The following GAS7 variants were observed in gnomAD, a reference collection of about 807,000 sequenced individuals.
GAS7 encodes growth arrest specific 7.
A neutral mutation model predicts 71.1 loss-of-function variants in GAS7; 28 were observed. That is an observed-to-expected ratio of 0.39 (90% CI 0.29 to 0.54). The LOEUF is 0.54. Ranked by LOEUF, GAS7 falls within the 20% of genes least tolerant of loss-of-function variation. The pLI is 0.62. For synonymous variants in GAS7, 258 were observed against 245.8 expected (o/e 1.05, Z -0.46); for missense variants, 436 against 627.8 (o/e 0.69, Z 3.27).
chr17:10,113,182 GTGCACGAT>G (rs1179789345), intron 1 of GAS7, among the ~76,000 whole-genome samples: 1 of 152,148 alleles, frequency 6.6e-6, no homozygotes, highest in Non-Finnish European at 1.5e-5. Flanking sequence ...AAATCTGAAA[GTGCACGAT>G]GCTGGCAAGG....
At position 10,009,709 on chromosome 17, in the gene GAS7, C is replaced by CTT. The variant is rs939160260; in HGVS notation, c.304+10066_304+10067dup. On this transcript the variant is annotated intron_variant, in intron 2 of 13. Coordinates refer to ENST00000432992, the MANE Select transcript of GAS7 (RefSeq NM_201433.2). ...AAAAAACCAAACAAAAAATAAAACA[C>CTT]TTTTTTTTTTCCAGTAGCCTGGTGT... Among the ~76,000 whole-genome samples the CTT allele has an allele frequency of 2.1e-5, 3 of 144,838 alleles. No homozygotes were observed. The Admixed American group carries it at 2.1e-4, about 10-fold the overall frequency.
chr17:10,056,494 C>T (rs978257931), intron 1 of GAS7, among the ~76,000 whole-genome samples: 2 of 151,424 alleles, frequency 1.3e-5, no homozygotes, highest in Non-Finnish European at 2.9e-5. Context: ...GACTCTGACT[C>T]TGGAAAAAAT....
intron 1 of GAS7, among the ~76,000 whole-genome samples, chr17:10,096,576 C>T (rs2073643356): frequency 6.6e-6 from 1 of 152,178 alleles, no homozygotes; most frequent in Non-Finnish European, 1.5e-5. Flanking sequence ...CTTCTCCATT[C>T]TCAGGTATGG....
chr17:9,917,538 C>G (rs1289827262), intron 13 of GAS7, among the ~76,000 whole-genome samples, 197 bp from the exon 14 acceptor site: 1 of 152,190 alleles, frequency 6.6e-6, no homozygotes, highest in African/African-American at 2.4e-5. Flanking sequence ...TGCATCCCGA[C>G]CCTGCTTCTC....
intron 4 of GAS7, among the ~76,000 whole-genome samples, chr17:9,964,424 C>T (rs1597563768): frequency 6.6e-6 from 1 of 152,176 alleles, no homozygotes; most frequent in Admixed American, 6.5e-5. Context: ...TCGTGGCAGG[C>T]CTGCGCAGAC....
At chr17:10,147,182 A>G (rs1435355872) in intron 1 of GAS7, among the ~76,000 whole-genome samples, 7 of 152,174 alleles carry the variant, frequency 4.6e-5, no homozygotes. Flanking sequence ...ACTGATCCAT[A>G]CCTACTCAAT....
chr17:10,150,773 C>T (rs2074159724), intron 1 of GAS7, among the ~76,000 whole-genome samples: 1 of 151,720 alleles, frequency 6.6e-6, no homozygotes. Flanking sequence ...ATTTTTAATA[C>T]AGACAGGGTT....
intron 2 of GAS7, among the ~76,000 whole-genome samples, chr17:9,983,901 G>A (rs1321109847): frequency 6.6e-6 from 1 of 152,176 alleles, no homozygotes; most frequent in Non-Finnish European, 1.5e-5. Context: ...TCTAGACCCA[G>A]ACTGCCTGGG....
intron 1 of GAS7, among the ~76,000 whole-genome samples, chr17:10,025,344 G>A (rs1443174164): frequency 6.6e-6 from 1 of 151,870 alleles, no homozygotes; most frequent in Non-Finnish European, 1.5e-5. Context: ...CACCTACTCA[G>A]CTCCATTTCC....
At chr17:10,007,625 C>CAA (rs201254619) in intron 2 of GAS7, among the ~76,000 whole-genome samples, 751 of 46,134 alleles carry the variant, frequency 0.016, 57 homozygotes, top group African/African-American at 0.034. Context: ...GATTCTGTCT[C>CAA]AAAAAAAAAA....
chr17:9,922,366 T>G (rs1345468558), intron 11 of GAS7, among the ~76,000 whole-genome samples: 1 of 152,232 alleles, frequency 6.6e-6, no homozygotes, highest in Non-Finnish European at 1.5e-5. Flanking sequence ...GCAGAGTCTC[T>G]GGAATGAGAG....
intron 2 of GAS7, among the ~76,000 whole-genome samples, chr17:9,988,943 G>A (rs1399433816): frequency 6.6e-6 from 1 of 150,422 alleles, no homozygotes; most frequent in South Asian, 2.1e-4. Context: ...CCGCCTCCCA[G>A]GTTCCCGCCA....
chr17:9,943,419 C>T lies in GAS7; in HGVS notation c.616-183G>A, dbSNP rs1250273350. On this transcript the variant is annotated intron_variant, in intron 6 of 13. Transcript: ENST00000432992. ...CTCCTGGTGCCCCCACTCCCAACAG[C>T]GCTTTCTGATGCTCAGGCTCTTACA... is the stretch of plus-strand genomic sequence containing the variant. 7.2e-5 allele frequency among the ~76,000 whole-genome samples: 11 copies of T among 152,248 alleles called. No homozygotes were observed. In the East Asian group the frequency reaches 1.2e-3, roughly 16 times the overall value.
At chr17:9,985,035 C>T (rs375613560) in intron 2 of GAS7, among the ~76,000 whole-genome samples, 3 of 152,224 alleles carry the variant, frequency 2.0e-5, no homozygotes, top group African/African-American at 7.2e-5. Context: ...GGTTCCCTGG[C>T]CCCTGGACAA....
intron 2 of GAS7, among the ~76,000 whole-genome samples, chr17:10,011,626 G>A (rs1389115378): frequency 1.3e-5 from 2 of 152,142 alleles, no homozygotes; most frequent in East Asian, 3.9e-4. Context: ...TAAATAAGGT[G>A]TTAACACTCA....
Position 9,966,694 on chromosome 17 carries a change from G to C in GAS7, c.471+2983C>G, listed in dbSNP as rs1192577564. Among the ~76,000 whole-genome samples, 3 of 152,140 alleles carry C rather than the reference G, an allele frequency of 2.0e-5. No individual in the cohort carries two copies. In the East Asian group the frequency reaches 5.8e-4, roughly 30 times the overall value. ...AACCAGCCTGCAGGCTCACAAACCAGGACAAAAAGTAGTAGCTAGCTGGGC... is the reference window on the plus strand; with the variant it reads ...AACCAGCCTGCAGGCTCACAAACCACGACAAAAAGTAGTAGCTAGCTGGGC... On this transcript the variant is annotated intron_variant, in intron 4 of 13. Transcript: ENST00000432992.
chr17:10,137,398 T>C (rs2074047457), intron 1 of GAS7, among the ~76,000 whole-genome samples: 1 of 151,428 alleles, frequency 6.6e-6, no homozygotes, highest in African/African-American at 2.4e-5. Flanking sequence ...ACTTTATTTA[T>C]CTTCATAGTA....
chr17:10,090,214 G>A (rs1009436553), intron 1 of GAS7, among the ~76,000 whole-genome samples: 2 of 151,416 alleles, frequency 1.3e-5, no homozygotes, highest in Non-Finnish European at 2.9e-5. Context: ...GGAGTGAGGT[G>A]TGAGTGTGCT....
intron 2 of GAS7, among the ~76,000 whole-genome samples, chr17:10,013,497 G>C (rs1416260914): frequency 6.6e-6 from 1 of 152,178 alleles, no homozygotes; most frequent in Non-Finnish European, 1.5e-5. Flanking sequence ...AAAACCCTGG[G>C]AGTTCCTGGG....
Sources: gnomAD v4.1 joint callset for allele counts (sites outside exome capture counted in the v4.1 genomes callset) on GRCh38, gnomAD v4.1.1 for gene constraint, MANE v1.5 for transcripts, NCBI Gene and HGNC (gene_info 2026-07-23, HGNC 2026-07-21) for gene names.